The following CSMD1 variants were observed in gnomAD, a reference collection of about 807,000 sequenced individuals.
The protein encoded by CSMD1 is CUB and Sushi multiple domains 1.
CSMD1 carries 213 observed loss-of-function variants against 417.5 expected under a neutral mutation model. The observed-to-expected ratio is 0.51, with a 90% confidence interval of 0.46 to 0.57. CSMD1 has a LOEUF of 0.57. CSMD1 is among the 20% of genes least tolerant of loss of function. CSMD1 has a pLI of 0.00. For synonymous variants in CSMD1, 2,862 were observed against 1,736.8 expected (o/e 1.65, Z -16.11); for missense variants, 6,923 against 4,529.7 (o/e 1.53, Z -15.17).
chr8:3,776,214 C>T (rs1213197685), intron 5 of CSMD1, among the ~76,000 whole-genome samples: 1 of 152,150 alleles, frequency 6.6e-6, no homozygotes, highest in East Asian at 1.9e-4. Context: ...CGGAGGGTGC[C>T]CTGTGCTCAT....
At position 4,621,270 on chromosome 8, in the gene CSMD1, A is replaced by C. The variant is rs1801764149; in HGVS notation, c.302+16072T>G. ...ATCTTATATACATAACCTGAAGACA[A>C]TTTTAAACAATATTTTAAAGTATAT... On this transcript the variant is annotated intron_variant, in intron 2 of 69. Transcript: ENST00000635120. 2.0e-5 allele frequency among the ~76,000 whole-genome samples: 3 copies of C among 152,078 alleles called. No individual in the cohort carries two copies. The South Asian group carries it at 6.2e-4, about 31-fold the overall frequency.
chr8:3,395,257 C>T (rs1811614734), intron 17 of CSMD1, among the ~76,000 whole-genome samples: 1 of 152,118 alleles, frequency 6.6e-6, no homozygotes, highest in African/African-American at 2.4e-5. Flanking sequence ...AGCCATAAAA[C>T]TTTGGCAAAA....
Position 4,733,256 on chromosome 8 carries a change from G to C in CSMD1, c.86-95698C>G, listed in dbSNP as rs1563246647. ...TCATTTCCTGAACCCTAGTATTTGA[G>C]AAACATCAACAATATGCAGAAGGAA... On this transcript the variant is annotated intron_variant, in intron 1 of 69. Transcript: ENST00000635120. 2.6e-5 allele frequency among the ~76,000 whole-genome samples: 4 copies of C among 152,126 alleles called. No homozygotes were observed. The South Asian group carries it at 8.3e-4, about 31-fold the overall frequency.
chr8:4,952,763 G>C (rs1016790476), intron 1 of CSMD1, among the ~76,000 whole-genome samples: 1 of 152,066 alleles, frequency 6.6e-6, no homozygotes, highest in African/African-American at 2.4e-5. Flanking sequence ...GAAATTTCCT[G>C]TAATTTCAAT....
intron 5 of CSMD1, among the ~76,000 whole-genome samples, chr8:3,821,352 C>A (rs1370146070): frequency 1.3e-5 from 2 of 152,206 alleles, no homozygotes; most frequent in African/African-American, 4.8e-5. Context: ...ATGCATGAGA[C>A]CCGTCTAAGA....
intron 2 of CSMD1, among the ~76,000 whole-genome samples, chr8:4,445,289 C>A (rs533421360): frequency 2.0e-5 from 3 of 152,012 alleles, no homozygotes; most frequent in South Asian, 4.1e-4. Context: ...TATGACATTC[C>A]GTTAGTTATA....
chr8:4,082,314 A>G (rs993506792), intron 3 of CSMD1, among the ~76,000 whole-genome samples: 1 of 152,212 alleles, frequency 6.6e-6, no homozygotes, highest in Non-Finnish European at 1.5e-5. Flanking sequence ...AAAATTTAAT[A>G]TTTGATATTA....
chr8:4,207,247 C>T (rs939165901), intron 3 of CSMD1, among the ~76,000 whole-genome samples: 8 of 152,160 alleles, frequency 5.3e-5, no homozygotes, highest in South Asian at 4.2e-4. Context: ...CCAGCATTCC[C>T]ATTATTTCAA....
intron 29 of CSMD1, among the ~76,000 whole-genome samples, chr8:3,215,305 T>A (rs548478389): frequency 1.5e-4 from 23 of 152,340 alleles, no homozygotes; most frequent in African/African-American, 5.5e-4. Flanking sequence ...AAGAAAAAAA[T>A]ACATTGACTG....
chr8:4,397,207 A>G (rs1804298900), intron 3 of CSMD1, among the ~76,000 whole-genome samples: 1 of 152,164 alleles, frequency 6.6e-6, no homozygotes, highest in African/African-American at 2.4e-5. Flanking sequence ...TATTTTAAAA[A>G]AAACAAGAAC....
intron 55 of CSMD1, among the ~76,000 whole-genome samples, chr8:2,975,900 G>T (rs1400744926): frequency 6.6e-6 from 1 of 152,104 alleles, no homozygotes; most frequent in Non-Finnish European, 1.5e-5. Flanking sequence ...GAGACTTGAG[G>T]AACATCAGCA....
chr8:3,579,070 G>T (rs73660309), intron 9 of CSMD1, among the ~76,000 whole-genome samples: 3 of 152,090 alleles, frequency 2.0e-5, no homozygotes, highest in Non-Finnish European at 4.4e-5. Context: ...TAATAACTAC[G>T]ACCTAATGTA....
intron 21 of CSMD1, among the ~76,000 whole-genome samples, chr8:3,357,057 TG>T (rs1317336717): frequency 6.7e-6 from 1 of 148,778 alleles, no homozygotes; most frequent in Non-Finnish European, 1.5e-5. Flanking sequence ...GCTAGGAGGG[TG>T]GGGAGGAGGA....
chr8:4,372,956 A>C (rs1225210269), intron 3 of CSMD1, among the ~76,000 whole-genome samples: 4 of 152,204 alleles, frequency 2.6e-5, no homozygotes, highest in Non-Finnish European at 5.9e-5. Flanking sequence ...CGAAGAGTGC[A>C]GTGTGGCAAG....
Position 2,937,648 on chromosome 8 carries a change from A to G in CSMD1, c.*937T>C, listed in dbSNP as rs2128910462. 6.6e-6 allele frequency: 1 copy of G among 152,344 alleles called. No homozygotes were observed. The highest frequency in any genetic ancestry group is 2.4e-5 in the African/African-American group (1 of 41,582). 9.4% of individuals were successfully genotyped at this position (152,344 alleles called of 1,614,324 possible). A position where few individuals can be genotyped will look rare whatever the true frequency, so the allele number is the denominator to read the frequency against. On this transcript the variant is annotated 3_prime_UTR_variant, in exon 70 of 70. Transcript: ENST00000635120. ...CTAAAGGAGGAAAACGTGTGAAATA[A>G]GGAGGCTTCTGTTTTTTTCTCATTG...
chr8:4,272,517 A>C (rs1367906557), intron 3 of CSMD1, among the ~76,000 whole-genome samples: 2 of 152,176 alleles, frequency 1.3e-5, no homozygotes, highest in Non-Finnish European at 2.9e-5. Flanking sequence ...AAATACATAG[A>C]AACCACATGC....
intron 3 of CSMD1, among the ~76,000 whole-genome samples, chr8:4,108,303 A>G (rs1028647423): frequency 3.3e-5 from 5 of 152,166 alleles, no homozygotes; most frequent in African/African-American, 7.2e-5. Flanking sequence ...CAGTAAACTC[A>G]TATGACAATT....
intron 1 of CSMD1, among the ~76,000 whole-genome samples, chr8:4,705,996 AT>A (rs1205615885): frequency 6.6e-6 from 1 of 151,484 alleles, no homozygotes; most frequent in Non-Finnish European, 1.5e-5. Flanking sequence ...ATGAACTGTA[AT>A]TTTTTTCAAT....
At chr8:4,690,913 G>A (rs1304779863) in intron 1 of CSMD1, among the ~76,000 whole-genome samples, 2 of 152,096 alleles carry the variant, frequency 1.3e-5, no homozygotes, top group African/African-American at 4.8e-5. Flanking sequence ...ATTTTTAGTA[G>A]AGGTGGGGTT....
Sources: allele counts gnomAD v4.1 joint callset (sites outside exome capture counted in the v4.1 genomes callset), GRCh38; gene constraint gnomAD v4.1.1; transcripts MANE v1.5; gene names NCBI Gene and HGNC (gene_info 2026-07-23, HGNC 2026-07-21).